Variants in DOCK1 observed in about 807,000 individuals in gnomAD.
DOCK1 encodes dedicator of cytokinesis 1.
DOCK1 carries 138 observed loss-of-function variants against 262.7 expected under a neutral mutation model. The ratio of observed to expected loss-of-function variants is 0.53; its 90% CI spans 0.46 to 0.61. The LOEUF (loss-of-function observed/expected upper bound fraction) is 0.61. Among genes scored for constraint, DOCK1 ranks in the 20% least tolerant of loss-of-function variants. The pLI is 0.00. For missense variants in DOCK1, 1,908 were observed against 2,370.7 expected, an observed-to-expected ratio of 0.80 and a Z score of 4.05; for synonymous variants, 866 against 867.4, an observed-to-expected ratio of 1.00 and a Z score of 0.03.
At chr10:126,990,318 C>G in intron 5 of DOCK1, 137 bp from the exon 6 acceptor site, 1 of 893,164 alleles carries the variant, frequency 1.1e-6, no homozygotes, top group Non-Finnish European at 1.6e-6. Flanking sequence ...CTGAAAGCAC[C>G]TTTTAATTCA....
chr10:127,016,939 A>C (rs977654152), intron 12 of DOCK1, among the ~76,000 whole-genome samples: 7 of 137,132 alleles, frequency 5.1e-5, no homozygotes, highest in African/African-American at 1.7e-4. Flanking sequence ...ACACACACAC[A>C]CCACAGACAC....
At chr10:127,358,963 G>A (rs2064278806) in intron 32 of DOCK1, among the ~76,000 whole-genome samples, 1 of 152,156 alleles carries the variant, frequency 6.6e-6, no homozygotes, top group Non-Finnish European at 1.5e-5. Context: ...TGGGCTATGA[G>A]ACCGGCAAGG....
intron 30 of DOCK1, among the ~76,000 whole-genome samples, chr10:127,340,779 T>C (rs1009361021): frequency 1.3e-5 from 2 of 152,204 alleles, no homozygotes; most frequent in African/African-American, 4.8e-5. Context: ...ATTGTCATTT[T>C]TCTGATGATT....
rs377381401 is a variant in DOCK1, at chr10:127,420,551, G to A, written c.4776+802G>A. On this transcript the variant is annotated intron_variant, in intron 46 of 51. Coordinates refer to ENST00000623213, the MANE Select transcript of DOCK1 (RefSeq NM_001290223.2). Reference sequence around the variant, plus strand: ...TGTAAAGAGAGTTGAGGGAGGTGGGGGCAAAGGCCTGCATGGGTTTGGACC... The same window carrying A: ...TGTAAAGAGAGTTGAGGGAGGTGGGAGCAAAGGCCTGCATGGGTTTGGACC... Among the ~76,000 whole-genome samples the A allele has an allele frequency of 7.2e-5, 11 of 152,258 alleles. No homozygotes were observed. The East Asian group carries it at 1.7e-3, about 24-fold the overall frequency.
intron 27 of DOCK1, among the ~76,000 whole-genome samples, chr10:127,138,578 C>T (rs1009405012): frequency 2.6e-5 from 4 of 152,152 alleles, no homozygotes; most frequent in Non-Finnish European, 4.4e-5. Flanking sequence ...TAGTGCCCAA[C>T]GCTGGGGAAA....
intron 31 of DOCK1, among the ~76,000 whole-genome samples, 188 bp downstream of exon 31, chr10:127,343,934 A>T (rs1427886706): frequency 6.6e-6 from 1 of 152,194 alleles, no homozygotes. Context: ...AAATTGCAGG[A>T]CTCATCCTGG....
intron 23 of DOCK1, among the ~76,000 whole-genome samples, chr10:127,074,705 C>G (rs1003615145): frequency 6.6e-6 from 1 of 152,080 alleles, no homozygotes; most frequent in African/African-American, 2.4e-5. Flanking sequence ...CACAAATTGT[C>G]TTCTATCTAG....
At chr10:127,030,623 G>A (rs527860463) in intron 16 of DOCK1, among the ~76,000 whole-genome samples, 1 of 152,268 alleles carries the variant, frequency 6.6e-6, no homozygotes, top group South Asian at 2.1e-4. Flanking sequence ...TTTGTTGACT[G>A]TCTCCCAAAG....
At chr10:127,036,288 G>C (rs1431255156) in intron 18 of DOCK1, among the ~76,000 whole-genome samples, 2 of 152,152 alleles carry the variant, frequency 1.3e-5, no homozygotes, top group African/African-American at 4.8e-5. Flanking sequence ...TCTTCCACGG[G>C]ATCTTTGGGT....
chr10:127,159,696 G>A (rs934133609), intron 27 of DOCK1, among the ~76,000 whole-genome samples: 8 of 152,084 alleles, frequency 5.3e-5, no homozygotes, highest in Non-Finnish European at 8.8e-5. Context: ...TTTACGGACC[G>A]TTGGCAAAAG....
intron 1 of DOCK1, among the ~76,000 whole-genome samples, chr10:126,948,425 G>GTGT (rs1246620425): frequency 6.9e-6 from 1 of 144,514 alleles, no homozygotes. Context: ...GGTGATGGTG[G>GTGT]TGGTGGTGGT....
intron 46 of DOCK1, among the ~76,000 whole-genome samples, chr10:127,424,301 A>G (rs529558847): frequency 4.7e-4 from 72 of 152,298 alleles, no homozygotes; most frequent in African/African-American, 1.7e-3. Flanking sequence ...CGAGCAGCAC[A>G]AGCGTCCTAA....
At chr10:126,978,243 T>C (rs1591513444) in intron 3 of DOCK1, among the ~76,000 whole-genome samples, 1 of 152,220 alleles carries the variant, frequency 6.6e-6, no homozygotes, top group East Asian at 1.9e-4. Flanking sequence ...TGTCTTCTGT[T>C]CATGAATTTT....
intron 23 of DOCK1, among the ~76,000 whole-genome samples, chr10:127,099,269 A>G (rs894908243): frequency 1.8e-4 from 28 of 152,146 alleles, no homozygotes; most frequent in Non-Finnish European, 1.0e-4. Flanking sequence ...CTCTGTGAGG[A>G]CAGAAGGAGA....
intron 27 of DOCK1, among the ~76,000 whole-genome samples, chr10:127,234,534 A>G (rs2058975398): frequency 6.6e-6 from 1 of 152,172 alleles, no homozygotes. Flanking sequence ...ATGGAGAGAC[A>G]GTTTGCATGT....
rs954238163 is a variant in DOCK1, at chr10:127,026,167, T to C, written c.1552-185T>C. 4.7e-5 allele frequency: 28 copies of C among 598,778 alleles called. No individual in the cohort carries two copies. The African/African-American group carries it at 5.1e-4, about 11-fold the overall frequency. The allele number at this position is 598,778 out of a possible 1,614,324, so 37.1% of individuals were successfully genotyped here. A position where few individuals can be genotyped will look rare whatever the true frequency, so the allele number is the denominator to read the frequency against. On this transcript the variant is annotated intron_variant, in intron 15 of 51. Coordinates refer to ENST00000623213, the MANE Select transcript of DOCK1 (RefSeq NM_001290223.2). ...TCAGTTGGCTTGGCAGCTGTTACAATATGATACAAAATTTTGCAGAGGCAT... is the reference window on the plus strand; with the variant it reads ...TCAGTTGGCTTGGCAGCTGTTACAACATGATACAAAATTTTGCAGAGGCAT...
At chr10:126,975,075 T>C (rs1228981177) in intron 2 of DOCK1, among the ~76,000 whole-genome samples, 2 of 152,014 alleles carry the variant, frequency 1.3e-5, no homozygotes, top group East Asian at 1.9e-4. Context: ...TCGTGCTGTT[T>C]GGTGTGCATC....
chr10:127,172,716 G>A (rs778107574), intron 27 of DOCK1, among the ~76,000 whole-genome samples: 2 of 152,120 alleles, frequency 1.3e-5, no homozygotes, highest in South Asian at 2.1e-4. Context: ...ACCTTCCACC[G>A]TGAGCTTGTG....
chr10:127,320,480 C>T (rs1163408993), intron 29 of DOCK1, among the ~76,000 whole-genome samples: 3 of 152,256 alleles, frequency 2.0e-5, no homozygotes, highest in Non-Finnish European at 2.9e-5. Flanking sequence ...TCCAATCAGA[C>T]ACCGTGCACC....
Sources: allele counts gnomAD v4.1 joint callset (sites outside exome capture counted in the v4.1 genomes callset), GRCh38; gene constraint gnomAD v4.1.1; transcripts MANE v1.5; gene names NCBI Gene and HGNC (gene_info 2026-07-23, HGNC 2026-07-21).